The following TXNDC16 variants were observed in gnomAD, a reference collection of about 807,000 sequenced individuals.
The protein encoded by TXNDC16 is thioredoxin domain containing 16, also known as thioredoxin domain-containing protein 16.
TXNDC16 carries 74 observed loss-of-function variants against 85.6 expected under a neutral mutation model. The observed-to-expected ratio is 0.86, with a 90% confidence interval of 0.72 to 1.05. The LOEUF (loss-of-function observed/expected upper bound fraction) is 1.05. Ranked by LOEUF, TXNDC16 falls within the 50% of genes least tolerant of loss-of-function variation. The pLI is 0.00. For missense variants in TXNDC16, 959 were observed against 947.0 expected (o/e 1.01, Z -0.17); for synonymous variants, 335 against 326.5 (o/e 1.03, Z -0.28).
chr14:52,500,686 T>A lies in TXNDC16; in HGVS notation c.757-9681A>T, dbSNP rs77808345. ...CTGCACAATATTGCACACTGCCACA[T>A]AAGTTCTCTAGAAATAGGAGCTAAA... is the stretch of plus-strand genomic sequence containing the variant. On this transcript the variant is annotated intron_variant, in intron 9 of 20. Transcript: ENST00000281741. 6.6e-4 allele frequency among the ~76,000 whole-genome samples: 100 copies of A among 152,322 alleles called. 1 individual carries two copies. The East Asian group carries it at 0.018, about 27-fold the overall frequency.
At chr14:52,478,493 A>T (rs544073366) in intron 14 of TXNDC16, among the ~76,000 whole-genome samples, 187 of 152,300 alleles carry the variant, frequency 1.2e-3, no homozygotes, top group Non-Finnish European at 2.4e-3. Context: ...GAAATGGGAG[A>T]TATCACACTG....
At chr14:52,513,686 T>C (rs182982360) in intron 8 of TXNDC16, among the ~76,000 whole-genome samples, 1 of 151,556 alleles carries the variant, frequency 6.6e-6, no homozygotes, top group Non-Finnish European at 1.5e-5. Flanking sequence ...ATATACAGTA[T>C]ATATACACAT....
At chr14:52,551,018 C>T (rs1219622889) in intron 1 of TXNDC16, among the ~76,000 whole-genome samples, 2 of 152,018 alleles carry the variant, frequency 1.3e-5, no homozygotes, top group Admixed American at 6.6e-5. Context: ...TAGAGCAAGC[C>T]GTACCCTCTC....
intron 9 of TXNDC16, among the ~76,000 whole-genome samples, chr14:52,498,035 A>T (rs893301414): frequency 6.6e-6 from 1 of 152,210 alleles, no homozygotes; most frequent in African/African-American, 2.4e-5. Context: ...TTGACAGAAC[A>T]AAGGACAAAA....
At chr14:52,465,248 A>C (rs2035744532) in intron 16 of TXNDC16, among the ~76,000 whole-genome samples, 1 of 152,202 alleles carries the variant, frequency 6.6e-6, no homozygotes, top group African/African-American at 2.4e-5. Context: ...CAAGAAAAGA[A>C]AAACAAGGAG....
intron 4 of TXNDC16, among the ~76,000 whole-genome samples, chr14:52,541,325 T>C (rs944582340): frequency 2.6e-5 from 4 of 152,170 alleles, no homozygotes; most frequent in African/African-American, 9.7e-5. Flanking sequence ...CAAGTTACTA[T>C]ATGCATAGTT....
chr14:52,532,320 T>C (rs1315387202), intron 6 of TXNDC16, among the ~76,000 whole-genome samples: 1 of 152,100 alleles, frequency 6.6e-6, no homozygotes, highest in Non-Finnish European at 1.5e-5. Context: ...GTGATATAAT[T>C]GCACCTGTGA....
intron 20 of TXNDC16, 102 bp from the exon 21 acceptor site, chr14:52,432,689 G>T: frequency 8.6e-7 from 1 of 1,168,476 alleles, no homozygotes; most frequent in South Asian, 2.1e-5. Flanking sequence ...TTGTAGAAGT[G>T]AAAGTTTTAT....
chr14:52,490,393 C>T lies in TXNDC16; in HGVS notation c.982G>A (p.Glu328Lys). The T allele has an allele frequency of 6.3e-7, 1 of 1,594,922 alleles. No individual in the cohort carries two copies. The highest frequency in any genetic ancestry group is 8.5e-7 in the Non-Finnish European group (1 of 1,172,678). Residue 328 changes from glutamate to lysine, a missense_variant and splice_region_variant, in exon 11 of 21, where the codon GAG (glutamate) becomes AAG (lysine). Transcript: ENST00000281741. ...GAACAATACATAAAACAACTAACCT[C>T]TTCTGCTCTTTTGAAGACCACATTA... ...DANVVFKRAE[E>K]GVPVEFLVLH...
chr14:52,457,920 G>C (rs2035570288), intron 16 of TXNDC16, among the ~76,000 whole-genome samples: 1 of 152,284 alleles, frequency 6.6e-6, no homozygotes, highest in East Asian at 1.9e-4. Flanking sequence ...GAAAAGCACA[G>C]AGGTGGACTT....
chr14:52,496,614 T>C (rs1024814110), intron 9 of TXNDC16, among the ~76,000 whole-genome samples: 17 of 151,394 alleles, frequency 1.1e-4, no homozygotes, highest in African/African-American at 3.6e-4. Context: ...TTTATGATTT[T>C]TTTTTTTTTT....
chr14:52,443,020 T>C (rs906903879), intron 18 of TXNDC16, among the ~76,000 whole-genome samples: 2 of 152,192 alleles, frequency 1.3e-5, no homozygotes, highest in Admixed American at 1.3e-4. Flanking sequence ...TGATGGTTAA[T>C]ACTAAGTGTC....
chr14:52,523,460 A>C (rs1299267333), intron 6 of TXNDC16, among the ~76,000 whole-genome samples: 1 of 152,198 alleles, frequency 6.6e-6, no homozygotes, highest in African/African-American at 2.4e-5. Flanking sequence ...AAATTCTTAG[A>C]ACACAACAAA....
At chr14:52,538,295 T>A (rs1330919538) in intron 4 of TXNDC16, among the ~76,000 whole-genome samples, 1 of 152,140 alleles carries the variant, frequency 6.6e-6, no homozygotes, top group Non-Finnish European at 1.5e-5. Context: ...ATAAGGCATC[T>A]TTAAAGAAGC....
intron 16 of TXNDC16, among the ~76,000 whole-genome samples, chr14:52,464,558 A>ACGG (rs2035727969): frequency 6.6e-6 from 1 of 152,238 alleles, no homozygotes; most frequent in Admixed American, 6.5e-5. Context: ...AAACATTCAA[A>ACGG]AGGGAAGGAA....
chr14:52,460,652 G>A (rs1325089378), intron 16 of TXNDC16, among the ~76,000 whole-genome samples: 1 of 152,114 alleles, frequency 6.6e-6, no homozygotes, highest in Non-Finnish European at 1.5e-5. Context: ...TATCAAAATA[G>A]ATCACAGGTC....
rs1775825388 is a variant in TXNDC16, at chr14:52,455,354, T to G, written c.1812A>C (p.Gln604His). 6.2e-7 allele frequency: 1 copy of G among 1,613,756 alleles called. No homozygotes were observed. The highest frequency in any genetic ancestry group is 1.3e-5 in the African/African-American group (1 of 74,938). Reference protein sequence around the residue: ...LASTHAQDIVQIITDALLEMF... With the variant: ...LASTHAQDIVHIITDALLEMF... The stretch of plus-strand genomic sequence containing the variant: ...TTTCCAGTAGTGCATCTGTTATTAT[T>G]TGAACTATGTCTTGTGCATGTGTGC... The change falls in exon 18 of 21, where the codon CAA (glutamine) becomes CAC (histidine). Residue 604 changes from glutamine (Q) to histidine (H), a missense_variant. Gln to His is a conservative substitution (Grantham distance 24). Transcript: ENST00000281741.
chr14:52,435,029 C>A (rs1355250494), intron 20 of TXNDC16, among the ~76,000 whole-genome samples: 1 of 152,152 alleles, frequency 6.6e-6, no homozygotes, highest in Non-Finnish European at 1.5e-5. Context: ...ATGTTCCTTG[C>A]AGGAAAGGAT....
intron 6 of TXNDC16, among the ~76,000 whole-genome samples, chr14:52,522,877 A>C (rs1221157553): frequency 1.3e-5 from 2 of 152,208 alleles, no homozygotes; most frequent in Non-Finnish European, 2.9e-5. Context: ...ACCATCTGAA[A>C]GCAGAACTAT....
Sources: gnomAD v4.1 joint callset for allele counts (sites outside exome capture counted in the v4.1 genomes callset) on GRCh38, gnomAD v4.1.1 for gene constraint, MANE v1.5 for transcripts, NCBI Gene and HGNC (gene_info 2026-07-23, HGNC 2026-07-21) for gene names.